KLF17: variants seen among roughly 807,000 people sequenced by gnomAD.
KLF17 encodes KLF transcription factor 17, also known as Krueppel-like factor 17.
KLF17 carries 31 observed loss-of-function variants against 34.2 expected under a neutral mutation model. The ratio of observed to expected loss-of-function variants is 0.91; its 90% CI spans 0.68 to 1.22. The LOEUF (loss-of-function observed/expected upper bound fraction) is 1.22. Ranked by LOEUF, KLF17 falls within the 50% of genes most tolerant of loss-of-function variation. KLF17 has a pLI of 0.00. For synonymous variants in KLF17, 179 were observed against 186.7 expected (o/e 0.96, Z 0.34); for missense variants, 478 against 505.2 (o/e 0.95, Z 0.52).
At chr1:44,087,094 T>C in the KLF17 span, among the ~76,000 whole-genome samples, 1 of 152,144 alleles carries the variant, frequency 6.6e-6, no homozygotes, top group Non-Finnish European at 1.5e-5. Context: ...TAATACAAAT[T>C]GAGGGTTGAT....
chr1:44,056,582 C>T, the KLF17 span, among the ~76,000 whole-genome samples: 3 of 152,196 alleles, frequency 2.0e-5, no homozygotes, highest in Non-Finnish European at 2.9e-5. Context: ...GGGAACAGCT[C>T]CTGCTTTGGG....
At chr1:44,126,151 G>A (rs772382847) in intron 1 of KLF17, among the ~76,000 whole-genome samples, 25 of 152,148 alleles carry the variant, frequency 1.6e-4, no homozygotes, top group Non-Finnish European at 2.8e-4. Flanking sequence ...AGCCTCCTGA[G>A]TAGCTGGGAC....
chr1:44,079,182 C>T, the KLF17 span, among the ~76,000 whole-genome samples: 1 of 152,108 alleles, frequency 6.6e-6, no homozygotes, highest in Non-Finnish European at 1.5e-5. Context: ...CCTTGGTACT[C>T]TGCCTTCACC....
At chr1:44,067,267 C>T in the KLF17 span, among the ~76,000 whole-genome samples, 83,337 of 151,890 alleles carry the variant, frequency 0.55, 23,301 homozygotes, top group East Asian at 0.65. Flanking sequence ...AAGTTCTTGG[C>T]TTTGCAGACA....
the KLF17 span, among the ~76,000 whole-genome samples, chr1:44,069,467 GGCGAGA>G: frequency 6.5e-5 from 6 of 92,956 alleles, no homozygotes; most frequent in East Asian, 6.4e-4. The surrounding 1 kb of genome is among the most constrained non-coding windows in gnomAD (Gnocchi z 4.7). Flanking sequence ...TGTGTTACAT[GGCGAGA>G]GAGAGAGAGA....
the KLF17 span, chr1:44,104,009 G>T: frequency 1.2e-6 from 1 of 856,328 alleles, no homozygotes; most frequent in Non-Finnish European, 2.0e-6. Context: ...TGCTGTCCGT[G>T]TCCATGGAGC....
At chr1:44,107,123 A>T in the KLF17 span, 1 of 152,056 alleles carries the variant, frequency 6.6e-6, no homozygotes, top group South Asian at 2.1e-4. Flanking sequence ...GGTTTTTTTC[A>T]TACAAAGTCT....
At chr1:44,086,390 C>T in the KLF17 span, among the ~76,000 whole-genome samples, 3 of 152,282 alleles carry the variant, frequency 2.0e-5, no homozygotes, top group East Asian at 1.9e-4. Flanking sequence ...CACTTGAATT[C>T]GGGAAGTAGA....
the KLF17 span, among the ~76,000 whole-genome samples, chr1:44,074,686 T>C: frequency 2.6e-5 from 4 of 152,252 alleles, no homozygotes; most frequent in Non-Finnish European, 4.4e-5. Flanking sequence ...TAAATGACTT[T>C]CTGAAATTTT....
At chr1:44,107,050 G>C in the KLF17 span, 1 of 152,240 alleles carries the variant, frequency 6.6e-6, no homozygotes, top group Non-Finnish European at 1.5e-5. Flanking sequence ...AGAGGGGGTG[G>C]GGAGGAGGAG....
chr1:44,130,833 G>C (rs1318255297), intron 3 of KLF17, 77 bp downstream of exon 3: 11 of 1,448,382 alleles, frequency 7.6e-6, no homozygotes, highest in Non-Finnish European at 1.0e-5. Context: ...GTCTCACTCT[G>C]TCTCCCAGGC....
At chr1:44,076,611 A>G in the KLF17 span, 1 of 151,714 alleles carries the variant, frequency 6.6e-6, no homozygotes, top group Non-Finnish European at 1.5e-5. Flanking sequence ...TTTAATTTGC[A>G]TTTTCCTGAT....
the KLF17 span, among the ~76,000 whole-genome samples, chr1:44,067,589 T>G: frequency 1.3e-5 from 2 of 152,242 alleles, no homozygotes; most frequent in South Asian, 4.1e-4. Flanking sequence ...CAGGGAGCAC[T>G]GGAGCATAAA....
rs1299203098 is a variant in KLF17 at position 44,129,821 on chromosome 1, A to G, written c.550A>G (p.Thr184Ala). 3 of 1,614,024 alleles carry G rather than the reference A, an allele frequency of 1.9e-6. No homozygotes were observed. In the African/African-American group the frequency reaches 4.0e-5, roughly 22 times the overall value. ...NPPVPYPGLS[T>A]VPSDETLLGP... ...TCCAGTGCCTTACCCTGGCCTCTCG[A>G]CAGTACCTTCTGACGAAACATTGTT... Residue 184 changes from threonine to alanine, a missense_variant, in exon 2 of 4, where the codon ACA becomes GCA. By Grantham distance (58) the Thr-to-Ala change is moderately conservative. Coordinates refer to ENST00000372299, the MANE Select transcript of KLF17 (RefSeq NM_173484.4).
the KLF17 span, among the ~76,000 whole-genome samples, chr1:44,083,884 G>T: frequency 2.0e-5 from 3 of 152,018 alleles, no homozygotes; most frequent in African/African-American, 7.3e-5. Flanking sequence ...CAGGGTGCAT[G>T]GGTGGTGAGT....
intron 1 of KLF17, among the ~76,000 whole-genome samples, chr1:44,119,709 T>C (rs2087925418): frequency 6.6e-6 from 1 of 152,170 alleles, no homozygotes; most frequent in South Asian, 2.1e-4. Flanking sequence ...ACAGGCTGCA[T>C]GCTTCCTCTT....
the KLF17 span, among the ~76,000 whole-genome samples, chr1:44,112,477 C>T: frequency 6.6e-6 from 1 of 152,106 alleles, no homozygotes; most frequent in African/African-American, 2.4e-5. Context: ...ATGAACATAG[C>T]TCACTTTAAC....
At chr1:44,107,394 C>G in the KLF17 span, among the ~76,000 whole-genome samples, 2 of 152,140 alleles carry the variant, frequency 1.3e-5, no homozygotes, top group African/African-American at 4.8e-5. Context: ...TGTGAGCCAC[C>G]GCGCCTGGCT....
At chr1:44,117,257 G>A (rs893487445), upstream of KLF17, 6 of 151,854 alleles carry the variant, frequency 4.0e-5, no homozygotes, top group South Asian at 4.2e-4. Flanking sequence ...CCACTCCTGG[G>A]AGCTCACCAT....
Sources: allele counts gnomAD v4.1 joint callset (sites outside exome capture counted in the v4.1 genomes callset), GRCh38; gene constraint gnomAD v4.1.1; non-coding constraint Gnocchi (gnomAD v3.1); transcripts MANE v1.5; gene names NCBI Gene and HGNC (gene_info 2026-07-23, HGNC 2026-07-21).